The following GRAMD4 variants were observed in gnomAD, a reference collection of about 807,000 sequenced individuals.
The protein encoded by GRAMD4 is GRAM domain containing 4, also known as GRAM domain-containing protein 4.
Under a neutral mutation model 83.9 loss-of-function variants are expected in GRAMD4, and 25 were observed. The ratio of observed to expected loss-of-function variants is 0.30; its 90% CI spans 0.22 to 0.42. The LOEUF is 0.42. Among genes scored for constraint, GRAMD4 ranks in the 10% least tolerant of loss-of-function variants. The pLI is 1.00. For missense variants in GRAMD4, 593 were observed against 788.7 expected, an observed-to-expected ratio of 0.75 and a Z score of 2.97; for synonymous variants, 336 against 320.9, an observed-to-expected ratio of 1.05 and a Z score of -0.50.
At position 46,635,836 on chromosome 22, in the gene GRAMD4, A is replaced by G. The variant is rs904529053; in HGVS notation, c.163-2004A>G. On this transcript the variant is annotated intron_variant, in intron 2 of 18. Coordinates refer to ENST00000406902, the MANE Select transcript of GRAMD4 (RefSeq NM_015124.5). The stretch of plus-strand genomic sequence containing the variant: ...ACTGGATGACTCTGGAGCAGGTCCC[A>G]GGCACGTTCTCATTCTGTCTGAAAC... Among the ~76,000 whole-genome samples, 13 of 124,306 alleles carry G rather than the reference A, an allele frequency of 1.0e-4. No individual in the cohort carries two copies. The South Asian group carries it at 1.1e-3, about 10-fold the overall frequency. 81.5% of individuals were successfully genotyped at this position (124,306 alleles called of 152,430 possible). A position where few individuals can be genotyped will look rare whatever the true frequency, so the allele number is the denominator to read the frequency against.
In GRAMD4 at chr22:46,663,102, T is replaced by C; in HGVS notation, c.529T>C (p.Tyr177His). Reference sequence around the variant, plus strand: ...GTGGTTCTACGAGCGGTTTGGGGAGTACGTGGAGGACTTCCGGTTCCAGCC... The same window carrying C: ...GTGGTTCTACGAGCGGTTTGGGGAGCACGTGGAGGACTTCCGGTTCCAGCC... ...QKWFYERFGE[Y>H]VEDFRFQPEE... Residue 177 changes from tyrosine (Y) to histidine (H), a missense_variant, in exon 6 of 19, where the codon TAC becomes CAC. Coordinates refer to ENST00000406902, the MANE Select transcript of GRAMD4 (RefSeq NM_015124.5). 6.2e-7 allele frequency: 1 copy of C among 1,611,864 alleles called. No homozygotes were observed. The highest frequency in any genetic ancestry group is 1.3e-5 in the African/African-American group (1 of 74,896).
chr22:46,616,706 A>G (rs1438684719), upstream of GRAMD4, among the ~76,000 whole-genome samples: 2 of 99,532 alleles, frequency 2.0e-5, no homozygotes, highest in Admixed American at 1.2e-4. Flanking sequence ...CTGTGCGTGT[A>G]GGTTCCCCCG....
At chr22:46,617,159 C>T (rs1187034780), upstream of GRAMD4, among the ~76,000 whole-genome samples, 14 of 116,956 alleles carry the variant, frequency 1.2e-4, no homozygotes, top group South Asian at 3.0e-4. Flanking sequence ...TAGGTTCCCC[C>T]GTGTGTAGGT....
chr22:46,662,937 C>T (rs1017867474), intron 5 of GRAMD4, 103 bp from the exon 6 acceptor site: 16 of 1,088,476 alleles, frequency 1.5e-5, no homozygotes, highest in Non-Finnish European at 1.8e-5. Flanking sequence ...CTGCTGGCCG[C>T]GCCCTTGCAG....
chr22:46,643,159 C>G (rs201794590), intron 3 of GRAMD4, among the ~76,000 whole-genome samples: 592 of 45,048 alleles, frequency 0.013, no homozygotes, highest in Middle Eastern at 0.024. Context: ...ATCCATCCAT[C>G]CATCCATCCA....
intron 1 of GRAMD4, among the ~76,000 whole-genome samples, chr22:46,612,487 A>G (rs1248783571): frequency 6.6e-6 from 1 of 152,230 alleles, no homozygotes; most frequent in African/African-American, 2.4e-5. Context: ...GTGAGGGCAC[A>G]GTGCTTGGTC....
At position 46,678,584 on chromosome 22, in the gene GRAMD4, C is replaced by T. The variant is rs540505137; in HGVS notation, c.*1333C>T. On this transcript the variant is annotated 3_prime_UTR_variant, in exon 19 of 19. Transcript: ENST00000406902. ...CCTGCGTGTCTGCTGGGGCGGATCC[C>T]GCAGCTCCCTCAGCTTGTCCTGAGT... The T allele has an allele frequency of 8.6e-4, 846 of 985,474 alleles. 5 individuals are homozygous for T. In the African/African-American group the frequency reaches 0.014, roughly 16 times the overall value. 61.0% of individuals were successfully genotyped at this position (985,474 alleles called of 1,614,324 possible).
chr22:46,654,097 C>T (rs2082206719), intron 3 of GRAMD4, among the ~76,000 whole-genome samples: 2 of 152,044 alleles, frequency 1.3e-5, no homozygotes, highest in African/African-American at 4.8e-5. Flanking sequence ...TGATTAAGCC[C>T]CTTCTGTATG....
chr22:46,594,808 C>T (rs1168071342), intron 1 of GRAMD4, among the ~76,000 whole-genome samples: 21 of 128,148 alleles, frequency 1.6e-4, no homozygotes, highest in African/African-American at 5.7e-4. Flanking sequence ...AGGGGCAGCA[C>T]GGGGAGCTGG....
intron 18 of GRAMD4, 132 bp from the exon 19 acceptor site, chr22:46,677,015 C>A: frequency 9.9e-7 from 1 of 1,011,772 alleles, no homozygotes; most frequent in Non-Finnish European, 1.5e-6. Flanking sequence ...GGTGGGGAGA[C>A]ACCTGTCTTT....
At chr22:46,601,568 G>T (rs571827333) in intron 1 of GRAMD4, among the ~76,000 whole-genome samples, 1 of 152,028 alleles carries the variant, frequency 6.6e-6, no homozygotes, top group Admixed American at 6.6e-5. Flanking sequence ...AGGCTAAGGC[G>T]GGGGGATTAC....
chr22:46,616,189 T>C (rs570085899), upstream of GRAMD4, among the ~76,000 whole-genome samples: 3 of 107,608 alleles, frequency 2.8e-5, no homozygotes, highest in East Asian at 4.0e-4. Flanking sequence ...TTCCCCTGTG[T>C]GTACGTTCCC....
intron 1 of GRAMD4, among the ~76,000 whole-genome samples, chr22:46,579,547 C>G (rs1395860876): frequency 1.3e-5 from 2 of 152,206 alleles, no homozygotes; most frequent in Non-Finnish European, 2.9e-5. Flanking sequence ...GTTACAGAAA[C>G]AGCAGCACCC....
rs1482103859 is a variant in GRAMD4, at chr22:46,621,121, C to T, written c.-50+556C>T. ...AGCTAGAAGTGGGGAGGGCAGGGGCCGTCTGGTTGGGGATGCGCGGCTGCA... is the reference window on the plus strand; with the variant it reads ...AGCTAGAAGTGGGGAGGGCAGGGGCTGTCTGGTTGGGGATGCGCGGCTGCA... On this transcript the variant is annotated intron_variant, in intron 1 of 18. Coordinates refer to ENST00000406902, the MANE Select transcript of GRAMD4 (RefSeq NM_015124.5). This position sits in a 1 kb window ranked among gnomAD's most constrained non-coding sequence, Gnocchi z 5.8. 1.3e-5 allele frequency among the ~76,000 whole-genome samples: 2 copies of T among 151,878 alleles called. No homozygotes were observed. Among genetic ancestry groups the T allele is most frequent in the East Asian group, 1.9e-4 (1 of 5,168 alleles).
chr22:46,626,931 G>C lies in GRAMD4; in HGVS notation c.132G>C (p.Ser44=), dbSNP rs774523610. 1 of 1,614,026 alleles carries C rather than the reference G, an allele frequency of 6.2e-7. No homozygotes were observed. The highest frequency in any genetic ancestry group is 1.1e-5 in the South Asian group (1 of 91,090). The change falls in exon 2 of 19, where the codon TCG becomes TCC. Residue 44 remains serine (S), a synonymous_variant. Transcript: ENST00000406902. ...DEIPLKVPRT[S]PRDSEELRDP... is the part of the protein sequence containing the mutation. ...TCCCCCTGAAGGTACCGCGGACCTC[G>C]CCCCGGGACAGCGAGGAGCTGAGGG...
rs969633742 is a variant in GRAMD4 at position 46,639,159 on chromosome 22, T to A, written c.283+1199T>A. Among the ~76,000 whole-genome samples the A allele has an allele frequency of 3.4e-5, 5 of 148,574 alleles. No homozygotes were observed. In the East Asian group the frequency reaches 9.8e-4, roughly 29 times the overall value. On this transcript the variant is annotated intron_variant, in intron 3 of 18. Coordinates refer to ENST00000406902, the MANE Select transcript of GRAMD4 (RefSeq NM_015124.5). ...GGTTAACGGTGTGTGCGTGAGTGTG[T>A]GTGTGTGTGTGTGTGTGTGTGTATG...
At chr22:46,629,250 C>T (rs1379373952) in intron 2 of GRAMD4, among the ~76,000 whole-genome samples, 1 of 152,122 alleles carries the variant, frequency 6.6e-6, no homozygotes, top group Non-Finnish European at 1.5e-5. Context: ...TGGACCTGAG[C>T]CTCAGTATCC....
At chr22:46,658,036 C>T (rs927304510) in intron 3 of GRAMD4, 151 bp from the exon 4 acceptor site, 9 of 916,388 alleles carry the variant, frequency 9.8e-6, no homozygotes, top group Non-Finnish European at 1.6e-5. Flanking sequence ...TGTGAGCGCC[C>T]CGCACCCTGG....
At chr22:46,643,445 ATT>A (rs2082020703) in intron 3 of GRAMD4, among the ~76,000 whole-genome samples, 1 of 152,212 alleles carries the variant, frequency 6.6e-6, no homozygotes, top group South Asian at 2.1e-4. Context: ...CTTTTGTAGT[ATT>A]TCCTAAAGGC....
Sources: gnomAD v4.1 joint callset for allele counts (sites outside exome capture counted in the v4.1 genomes callset) on GRCh38, gnomAD v4.1.1 for gene constraint, Gnocchi (gnomAD v3.1) non-coding constraint, MANE v1.5 for transcripts, NCBI Gene and HGNC (gene_info 2026-07-23, HGNC 2026-07-21) for gene names.